SEMA6A: variants seen among roughly 807,000 people sequenced by gnomAD.
SEMA6A encodes semaphorin-6A.
A neutral mutation model predicts 96.8 loss-of-function variants in SEMA6A; 25 were observed. The ratio of observed to expected loss-of-function variants is 0.26; its 90% confidence interval spans 0.19 to 0.36. SEMA6A has a LOEUF of 0.36. Ranked by LOEUF, SEMA6A falls within the 10% of genes least tolerant of loss-of-function variation. SEMA6A has a pLI of 1.00. For missense variants in SEMA6A, 1,363 were observed against 1,323.1 expected, an observed-to-expected ratio of 1.03 and a Z score of -0.47; for synonymous variants, 612 against 518.0, an observed-to-expected ratio of 1.18 and a Z score of -2.46.
At chr5:116,532,280 G>A (rs1759518590) in intron 1 of SEMA6A, among the ~76,000 whole-genome samples, 1 of 152,172 alleles carries the variant, frequency 6.6e-6, no homozygotes, top group Non-Finnish European at 1.5e-5. Context: ...TAATCCTAAA[G>A]TAGAAAGAAG....
intron 1 of SEMA6A, chr5:116,536,510 G>T (rs774420121): frequency 6.6e-6 from 1 of 152,164 alleles, no homozygotes; most frequent in Admixed American, 6.5e-5. Context: ...ACATTTCACG[G>T]AGGTGGGACC....
chr5:116,489,625 A>T (rs972550695), intron 7 of SEMA6A, among the ~76,000 whole-genome samples: 2 of 152,238 alleles, frequency 1.3e-5, no homozygotes, highest in African/African-American at 4.8e-5. Context: ...CCGCATCTCC[A>T]AAGTCACAAA....
chr5:116,452,807 T>C (rs1168108861), intron 18 of SEMA6A, among the ~76,000 whole-genome samples: 2 of 152,352 alleles, frequency 1.3e-5, no homozygotes, highest in East Asian at 3.9e-4. Flanking sequence ...TTCTTTATTA[T>C]CACTCTCCTA....
chr5:116,560,653 C>T (rs902843258), intron 1 of SEMA6A, among the ~76,000 whole-genome samples: 1 of 152,042 alleles, frequency 6.6e-6, no homozygotes, highest in African/African-American at 2.4e-5. Context: ...TCCAGTTCTA[C>T]CCTGCGCCAG....
chr5:116,455,236 G>A (rs1334888935), intron 18 of SEMA6A, among the ~76,000 whole-genome samples: 1 of 152,162 alleles, frequency 6.6e-6, no homozygotes, highest in African/African-American at 2.4e-5. Context: ...GCCAATGGGA[G>A]TGCTACAGCC....
chr5:116,473,146 G>A (rs917242049), intron 16 of SEMA6A, 53 bp from the exon 17 acceptor site: 68 of 1,549,710 alleles, frequency 4.4e-5, no homozygotes, highest in Non-Finnish European at 5.6e-5. Context: ...CTCTGCTTGG[G>A]GCGACTTACA....
intron 1 of SEMA6A, among the ~76,000 whole-genome samples, chr5:116,522,855 A>G (rs998824099): frequency 6.6e-6 from 1 of 152,140 alleles, no homozygotes; most frequent in Non-Finnish European, 1.5e-5. Context: ...CTGCTTTTGA[A>G]GCATCCCCAA....
In SEMA6A at chr5:116,447,773, G is replaced by A. The variant is rs1230593368; in HGVS notation, c.1933C>T (p.Leu645=). Reference sequence around the variant, plus strand: ...ATGGCCAAGAGGGTGACGGGAACCAGCTGGTCGTGGCCTTTGAGGTAACTT... The same window carrying A: ...ATGGCCAAGAGGGTGACGGGAACCAACTGGTCGTGGCCTTTGAGGTAACTT... ...RESYLKGHDQ[L]VPVTLLAIAV... The change falls in exon 19 of 19, where the codon CTG becomes TTG. Residue 645 remains leucine (L), a synonymous_variant. Transcript: ENST00000343348. The A allele has an allele frequency of 6.2e-7, 1 of 1,608,844 alleles. No homozygotes were observed. Among genetic ancestry groups the A allele is most frequent in the South Asian group, 1.1e-5 (1 of 90,806 alleles).
At chr5:116,501,389 A>T (rs1215368432) in intron 3 of SEMA6A, among the ~76,000 whole-genome samples, 3 of 152,208 alleles carry the variant, frequency 2.0e-5, no homozygotes, top group Admixed American at 2.0e-4. Context: ...TCCCCAATGG[A>T]TGAGTATTTT....
chr5:116,499,171 A>C (rs1263391788), intron 3 of SEMA6A: 3 of 152,164 alleles, frequency 2.0e-5, no homozygotes. Context: ...TTGGACAATG[A>C]CAATCTTTTT....
chr5:116,535,760 G>C (rs752116590), intron 1 of SEMA6A, among the ~76,000 whole-genome samples: 4 of 152,126 alleles, frequency 2.6e-5, no homozygotes, highest in Non-Finnish European at 5.9e-5. Context: ...TCCAGAGACT[G>C]CTCCTATAAA....
chr5:116,470,546 C>A lies in SEMA6A; in HGVS notation c.1729+2527G>T, dbSNP rs116266110. Among the ~76,000 whole-genome samples the A allele has an allele frequency of 3.9e-3, 600 of 152,260 alleles. 1 individual carries two copies. Among genetic ancestry groups the A allele is most frequent in the Non-Finnish European group, 6.3e-3 (430 of 68,020 alleles). On this transcript the variant is annotated intron_variant, in intron 17 of 18. Coordinates refer to ENST00000343348, the MANE Select transcript of SEMA6A (RefSeq NM_020796.5). ...GAGGTTAGATACCCTTCATACTACT[C>A]TAACCTATTAACAATGTTTGTAGAC...
intron 18 of SEMA6A, among the ~76,000 whole-genome samples, chr5:116,453,673 C>G (rs901599176): frequency 2.6e-5 from 4 of 152,196 alleles, no homozygotes; most frequent in Non-Finnish European, 4.4e-5. Context: ...AGAAAGCTAA[C>G]TTTCGGCTTG....
intron 1 of SEMA6A, among the ~76,000 whole-genome samples, chr5:116,510,164 C>A (rs1325729082): frequency 6.6e-6 from 1 of 152,144 alleles, no homozygotes; most frequent in Non-Finnish European, 1.5e-5. Context: ...CTAGTCTCAA[C>A]TTCAGGACCC....
chr5:116,496,401 GC>G (rs1454082371), intron 4 of SEMA6A, 88 bp from the exon 5 acceptor site: 26 of 1,060,986 alleles, frequency 2.5e-5, no homozygotes, highest in Non-Finnish European at 3.3e-5. Context: ...GAGACTAAAG[GC>G]TGAACATATA....
intron 1 of SEMA6A, among the ~76,000 whole-genome samples, chr5:116,519,328 G>A (rs1453999583): frequency 6.6e-6 from 1 of 152,134 alleles, no homozygotes; most frequent in African/African-American, 2.4e-5. Flanking sequence ...CACTGCTTTT[G>A]TACACCACAG....
At chr5:116,522,457 G>C (rs1759003020) in intron 1 of SEMA6A, among the ~76,000 whole-genome samples, 1 of 152,134 alleles carries the variant, frequency 6.6e-6, no homozygotes, top group South Asian at 2.1e-4. Context: ...GGAATTTATA[G>C]GCATTGTGGT....
intron 9 of SEMA6A, 151 bp from the exon 10 acceptor site, chr5:116,487,117 GAAAA>G (rs959176428): frequency 4.9e-6 from 3 of 609,554 alleles, no homozygotes; most frequent in Non-Finnish European, 8.6e-6. Flanking sequence ...AGAAAGAAAA[GAAAA>G]AAAGAGGAAA....
chr5:116,480,904 A>C (rs1756727778), intron 11 of SEMA6A, among the ~76,000 whole-genome samples: 1 of 152,194 alleles, frequency 6.6e-6, no homozygotes, highest in South Asian at 2.1e-4. Flanking sequence ...TGACGACCAT[A>C]AAAATTTGCT....
Sources: allele counts gnomAD v4.1 joint callset (sites outside exome capture counted in the v4.1 genomes callset), GRCh38; gene constraint gnomAD v4.1.1; transcripts MANE v1.5; gene names NCBI Gene and HGNC (gene_info 2026-07-23, HGNC 2026-07-21).